Variants in COL14A1 observed in about 807,000 individuals in gnomAD.
COL14A1 encodes the protein collagen type XIV alpha 1 chain.
A neutral mutation model predicts 230.3 loss-of-function variants in COL14A1; 136 were observed. The observed-to-expected ratio is 0.59, with a 90% confidence interval of 0.51 to 0.68. COL14A1 has a LOEUF of 0.68. Ranked by LOEUF, COL14A1 falls within the 30% of genes least tolerant of loss-of-function variation. COL14A1 has a pLI of 0.00. For missense variants in COL14A1, 1,976 were observed against 2,215.8 expected, an observed-to-expected ratio of 0.89 and a Z score of 2.17; for synonymous variants, 792 against 784.1, an observed-to-expected ratio of 1.01 and a Z score of -0.17.
intron 21 of COL14A1, 27 bp from the exon 22 acceptor site, chr8:120,250,590 C>G (rs1220219043): frequency 6.2e-7 from 1 of 1,612,466 alleles, no homozygotes; most frequent in Admixed American, 1.7e-5. Context: ...TTTGTTGTAA[C>G]TAAAATATAT....
chr8:120,347,023 G>A (rs1426840857), intron 45 of COL14A1, among the ~76,000 whole-genome samples: 1 of 152,108 alleles, frequency 6.6e-6, no homozygotes, highest in African/African-American at 2.4e-5. Context: ...CTGGAATGTG[G>A]CCCCCTCTGT....
chr8:120,332,720 C>A lies in COL14A1; in HGVS notation c.4770C>A (p.Gly1590=). The A allele has an allele frequency of 6.2e-7, 1 of 1,613,014 alleles. No homozygotes were observed. The highest frequency in any genetic ancestry group is 2.2e-5 in the East Asian group (1 of 44,836). ...TCACAGGAAGCATGGGACCGCAAGG[C>A]GCCCTGGGACCACCTGTGAGTATGC... ...PGITGSMGPQ[G]ALGPPGVPGA... is the part of the protein sequence containing the mutation. The change falls in exon 42 of 48, where the codon GGC becomes GGA. Residue 1590 remains glycine (G), a synonymous_variant. Coordinates refer to ENST00000297848, the MANE Select transcript of COL14A1 (RefSeq NM_021110.4).
chr8:120,318,698 C>A (rs1453155980), intron 40 of COL14A1, among the ~76,000 whole-genome samples: 1 of 152,076 alleles, frequency 6.6e-6, no homozygotes, highest in Non-Finnish European at 1.5e-5. Context: ...GCAATTATTC[C>A]TGCTCCACCT....
intron 19 of COL14A1, among the ~76,000 whole-genome samples, chr8:120,236,582 C>T (rs1006899971): frequency 2.6e-5 from 4 of 152,048 alleles, no homozygotes; most frequent in African/African-American, 9.7e-5. Flanking sequence ...ATTTGCCAGT[C>T]TGTGTCTTTT....
intron 24 of COL14A1, among the ~76,000 whole-genome samples, chr8:120,263,609 G>A (rs757361207): frequency 6.6e-6 from 1 of 152,122 alleles, no homozygotes; most frequent in African/African-American, 2.4e-5. Flanking sequence ...TCTTGACCCC[G>A]GCTCCACAAA....
chr8:120,322,399 A>G (rs908098032), intron 40 of COL14A1, among the ~76,000 whole-genome samples: 1 of 152,188 alleles, frequency 6.6e-6, no homozygotes, highest in African/African-American at 2.4e-5. Flanking sequence ...AAAATAGTAT[A>G]TGTGGTACAT....
chr8:120,215,745 A>G (rs182884487), intron 13 of COL14A1, among the ~76,000 whole-genome samples: 1 of 152,208 alleles, frequency 6.6e-6, no homozygotes, highest in Admixed American at 6.5e-5. Context: ...GTTGCGAGAG[A>G]AAGAGCAATC....
At chr8:120,160,762 T>C (rs1206249135) in intron 3 of COL14A1, among the ~76,000 whole-genome samples, 7 of 152,220 alleles carry the variant, frequency 4.6e-5, no homozygotes, top group Non-Finnish European at 8.8e-5. Context: ...CCAACTATTG[T>C]TTCTGCCAGC....
Position 120,333,521 on chromosome 8 carries a change from A to G in COL14A1, c.4785+786A>G, listed in dbSNP as rs77867173. Among the ~76,000 whole-genome samples, 1,082 of 152,346 alleles carry G rather than the reference A, an allele frequency of 7.1e-3. 21 individuals carry two copies. Among genetic ancestry groups the G allele is most frequent in the African/African-American group, 0.024 (995 of 41,572 alleles). On this transcript the variant is annotated intron_variant, in intron 42 of 47. Transcript: ENST00000297848. ...ATTGAAAAATGCAAAGATGTGTACAACTGCAAACACACTAAGAATGTGTGG... is the reference window on the plus strand; with the variant it reads ...ATTGAAAAATGCAAAGATGTGTACAGCTGCAAACACACTAAGAATGTGTGG...
chr8:120,210,140 T>G (rs1397563319), intron 12 of COL14A1, among the ~76,000 whole-genome samples: 2 of 152,184 alleles, frequency 1.3e-5, no homozygotes, highest in Non-Finnish European at 2.9e-5. Context: ...GTTTTCATTT[T>G]ATTTGTTGTG....
In COL14A1 at chr8:120,278,470, A is replaced by G. The variant is rs559705576; in HGVS notation, c.3373A>G (p.Thr1125Ala). 98 of 1,613,026 alleles carry G rather than the reference A, an allele frequency of 6.1e-5. 1 individual carries two copies. The South Asian group carries it at 9.2e-4, about 15-fold the overall frequency. Residue 1125 changes from threonine to alanine, a missense_variant, in exon 28 of 48, where the codon ACT becomes GCT. This residue lies in a region of COL14A1 where 1,791 missense variants were observed against 2,019.5 expected (regional missense o/e 0.89). Coordinates refer to ENST00000297848, the MANE Select transcript of COL14A1 (RefSeq NM_021110.4). ...TAAGTATGTTCGAGATACCTTGTTC[A>G]CTGCAGAGTCAGGTACAAGAAGGGG... ...AIKYVRDTLF[T>A]AESGTRRGIP... is the part of the protein sequence containing the mutation.
chr8:120,304,320 C>T (rs1161769326), intron 36 of COL14A1, among the ~76,000 whole-genome samples: 2 of 152,000 alleles, frequency 1.3e-5, no homozygotes, highest in African/African-American at 4.8e-5. Context: ...CTCTCATTCT[C>T]TCAGTTGTGA....
In COL14A1 at chr8:120,278,138, C is replaced by G. The variant is rs146972143; in HGVS notation, c.3241C>G (p.Pro1081Ala). Residue 1081 changes from proline to alanine, a missense_variant, in exon 27 of 48, where the codon CCC becomes GCC. Around this residue, in one of 3 missense-constraint regions of COL14A1, gnomAD observed 1,791 missense variants for 2,019.5 expected, o/e 0.89. Transcript: ENST00000297848. Reference protein sequence around the residue: ...QVAMVQFTDDPRTEFKLNAYK... With the variant: ...QVAMVQFTDDARTEFKLNAYK... ...TGCAATGGTTCAGTTCACTGATGAT[C>G]CCAGAACAGAATTTAAACTAAATGC... is the stretch of plus-strand genomic sequence containing the variant. The G allele has an allele frequency of 3.1e-6, 5 of 1,611,142 alleles. No homozygotes were observed. The highest frequency in any genetic ancestry group is 3.4e-6 in the Non-Finnish European group (4 of 1,178,626).
At chr8:120,154,017 T>C (rs1339963839) in intron 2 of COL14A1, among the ~76,000 whole-genome samples, 2 of 152,030 alleles carry the variant, frequency 1.3e-5, no homozygotes, top group Non-Finnish European at 2.9e-5. Context: ...GTGTTGTTCG[T>C]TGGAAGAAAA....
intron 35 of COL14A1, among the ~76,000 whole-genome samples, chr8:120,297,855 G>A (rs1184116377): frequency 6.6e-6 from 1 of 151,878 alleles, no homozygotes; most frequent in Non-Finnish European, 1.5e-5. Context: ...AGCCCTTAGT[G>A]TCTCAAGCTT....
In COL14A1 at chr8:120,250,737, G is replaced by A; in HGVS notation, c.2723G>A (p.Ser908Asn). ...KIFASQASGF[S>N]DALTGMVKTL... ...TTTGCCTCCCAGGCCTCAGGCTTCA[G>A]CGACGCCCTGACAGGCATGGTGAAA... Residue 908 changes from serine to asparagine, a missense_variant, in exon 22 of 48, where the codon AGC (serine) becomes AAC (asparagine). Physicochemically the swap from Ser to Asn is conservative, Grantham distance 46. Around this residue, in one of 3 missense-constraint regions of COL14A1, gnomAD observed 1,791 missense variants for 2,019.5 expected, o/e 0.89. Coordinates refer to ENST00000297848, the MANE Select transcript of COL14A1 (RefSeq NM_021110.4). The A allele has an allele frequency of 6.2e-7, 1 of 1,614,210 alleles. No individual in the cohort carries two copies.
chr8:120,239,223 A>G (rs1339988862), intron 19 of COL14A1, among the ~76,000 whole-genome samples: 1 of 152,224 alleles, frequency 6.6e-6, no homozygotes, highest in Non-Finnish European at 1.5e-5. Flanking sequence ...TAACTCCAGT[A>G]TGCATCCAGA....
intron 42 of COL14A1, 81 bp from the exon 43 acceptor site, chr8:120,341,244 T>A: frequency 1.4e-6 from 2 of 1,412,416 alleles, no homozygotes; most frequent in Non-Finnish European, 2.0e-6. Context: ...AATGTCTTAA[T>A]AAAATAAGAA....
rs369136122 is a variant in COL14A1 at position 120,338,431 on chromosome 8, C to T, written c.4786-2894C>T. Reference sequence around the variant, plus strand: ...TGGGTTCAGGTCCCTGGTTTTTTCACTTCCTTATTGCCTGGCCTTGAGCAA... The same window carrying T: ...TGGGTTCAGGTCCCTGGTTTTTTCATTTCCTTATTGCCTGGCCTTGAGCAA... On this transcript the variant is annotated intron_variant, in intron 42 of 47. Transcript: ENST00000297848. 1.0e-3 allele frequency among the ~76,000 whole-genome samples: 158 copies of T among 152,282 alleles called. 5 individuals carry two copies. The South Asian group carries it at 0.022, about 21-fold the overall frequency.
Sources: allele counts gnomAD v4.1 joint callset (sites outside exome capture counted in the v4.1 genomes callset), GRCh38; gene constraint gnomAD v4.1.1; regional missense constraint gnomAD v4.1.1; transcripts MANE v1.5; gene names NCBI Gene and HGNC (gene_info 2026-07-23, HGNC 2026-07-21).